Variants in TACC2 observed in about 807,000 individuals in gnomAD.
TACC2 encodes the protein transforming acidic coiled-coil-containing protein 2.
In TACC2, 137 loss-of-function variants were observed where a neutral mutation model predicts 227.3. The observed-to-expected ratio is 0.60, with a 90% confidence interval of 0.52 to 0.69. The LOEUF is 0.69. TACC2 is among the 30% of genes least tolerant of loss of function. The probability of loss-of-function intolerance (pLI) is 0.00; values close to 1 mark genes in which losing one functional copy is unlikely to be tolerated. For missense variants in TACC2, 3,470 were observed against 3,694.4 expected (o/e 0.94, Z 1.57); for synonymous variants, 1,523 against 1,487.5 (o/e 1.02, Z -0.55).
chr10:122,041,423 C>A (rs2074243469), intron 2 of TACC2, among the ~76,000 whole-genome samples: 2 of 150,094 alleles, frequency 1.3e-5, no homozygotes, highest in Admixed American at 1.3e-4. Flanking sequence ...ATCTTCATGA[C>A]AGCACAGAGT....
At chr10:121,999,963 G>A (rs945997298) in intron 1 of TACC2, among the ~76,000 whole-genome samples, 1 of 152,214 alleles carries the variant, frequency 6.6e-6, no homozygotes, top group Non-Finnish European at 1.5e-5. Flanking sequence ...GGTCAGACAC[G>A]TGGTCCTACG....
intron 19 of TACC2, 152 bp downstream of exon 19, chr10:122,242,153 C>T: frequency 1.3e-6 from 1 of 743,850 alleles, no homozygotes; most frequent in Non-Finnish European, 2.3e-6. Context: ...ATGGCTTTGC[C>T]CCAGGACAGA....
intron 3 of TACC2, among the ~76,000 whole-genome samples, chr10:122,060,948 T>A: frequency 7.3e-6 from 1 of 136,920 alleles, no homozygotes; most frequent in African/African-American, 2.9e-5. Flanking sequence ...GAGGTTGCAG[T>A]GAGCGAAGAT....
intron 8 of TACC2, among the ~76,000 whole-genome samples, chr10:122,197,499 C>T (rs2094612488): frequency 6.6e-6 from 1 of 152,190 alleles, no homozygotes; most frequent in African/African-American, 2.4e-5. Context: ...AGAACAATCT[C>T]CATTCTTAAA....
intron 7 of TACC2, among the ~76,000 whole-genome samples, chr10:122,160,486 G>C (rs758244877): frequency 2.0e-5 from 3 of 152,164 alleles, no homozygotes; most frequent in Non-Finnish European, 2.9e-5. Context: ...TCTCCTCCTG[G>C]CTTGTAGATG....
chr10:122,226,157 ACTTTCT>A (rs2095624150), intron 12 of TACC2, among the ~76,000 whole-genome samples: 1 of 152,096 alleles, frequency 6.6e-6, no homozygotes, highest in South Asian at 2.1e-4. Context: ...ACTCAGTTGT[ACTTTCT>A]CTGCATCCTC....
chr10:122,205,875 C>T lies in TACC2; in HGVS notation c.5972-4522C>T, dbSNP rs183822868. 1.2e-4 allele frequency among the ~76,000 whole-genome samples: 18 copies of T among 152,338 alleles called. No individual in the cohort carries two copies. The highest frequency in any genetic ancestry group is 2.0e-4 in the Admixed American group (3 of 15,300). On this transcript the variant is annotated intron_variant, in intron 8 of 22. Transcript: ENST00000369005. This position sits in a 1 kb window ranked among gnomAD's most constrained non-coding sequence, Gnocchi z 4.5. ...AAAGACCAAGTACTGCTTTGTATCT[C>T]GTTAGCCTACTTAAAATGGACACCT...
Position 122,214,987 on chromosome 10 carries a change from T to C in TACC2, c.7284-404T>C, listed in dbSNP as rs539484928. On this transcript the variant is annotated intron_variant, in intron 9 of 22. Coordinates refer to ENST00000369005, the MANE Select transcript of TACC2 (RefSeq NM_206862.4). ...ATTAAGTGAGGTGTCGCCTTGCCCG[T>C]CTGTAAATTGGTGTCCTGAGCCTAG... Among the ~76,000 whole-genome samples, 3 of 152,236 alleles carry C rather than the reference T, an allele frequency of 2.0e-5. No individual in the cohort carries two copies. The South Asian group carries it at 6.2e-4, about 32-fold the overall frequency.
intron 7 of TACC2, among the ~76,000 whole-genome samples, chr10:122,188,397 G>T (rs747896179): frequency 6.6e-6 from 1 of 151,722 alleles, no homozygotes; most frequent in Non-Finnish European, 1.5e-5. Context: ...CTCTTGCCTC[G>T]GCCTCCCAAG....
chr10:122,135,406 C>T (rs1316841174), intron 6 of TACC2, among the ~76,000 whole-genome samples: 2 of 152,200 alleles, frequency 1.3e-5, no homozygotes, highest in Non-Finnish European at 2.9e-5. Flanking sequence ...GAGAACTCGG[C>T]CAGTTTCATG....
At chr10:122,035,309 A>T (rs548492959) in intron 2 of TACC2, among the ~76,000 whole-genome samples, 1 of 152,312 alleles carries the variant, frequency 6.6e-6, no homozygotes, top group East Asian at 1.9e-4. Flanking sequence ...AGGTGCTGTG[A>T]TCTGTAGAGA....
intron 3 of TACC2, among the ~76,000 whole-genome samples, chr10:122,057,780 C>T (rs1240971169): frequency 1.3e-5 from 2 of 151,994 alleles, no homozygotes; most frequent in East Asian, 3.9e-4. Flanking sequence ...GAGCCAAGAT[C>T]GAGCCATTGC....
In TACC2 at chr10:122,085,941, G is replaced by A. The variant is rs145035433; in HGVS notation, c.3441G>A (p.Pro1147=). The change falls in exon 4 of 23, where the codon CCG becomes CCA. Residue 1147 remains proline (P), a synonymous_variant. Transcript: ENST00000369005. ...GAGDPGKQQA[P]EKPGEATLSC... ...GAGACCCAGGAAAGCAGCAGGCTCC[G>A]GAGAAACCTGGAGAAGCTACTTTGA... The A allele has an allele frequency of 4.4e-3, 7,065 of 1,613,472 alleles. 35 individuals carry two copies. Among genetic ancestry groups the A allele is most frequent in the Middle Eastern group, 0.017 (106 of 6,062 alleles).
intron 7 of TACC2, among the ~76,000 whole-genome samples, chr10:122,168,500 G>T (rs967522399): frequency 6.6e-6 from 1 of 152,114 alleles, no homozygotes; most frequent in Non-Finnish European, 1.5e-5. Context: ...GTTCATAAGG[G>T]TCCTGGGCCT....
intron 8 of TACC2, among the ~76,000 whole-genome samples, chr10:122,207,771 T>TG (rs1420915262): frequency 6.6e-6 from 1 of 152,238 alleles, no homozygotes; most frequent in East Asian, 1.9e-4. Flanking sequence ...AGCTCATTGT[T>TG]GCGTGATAAC....
In TACC2 at chr10:122,022,021, G is replaced by A; in HGVS notation, c.33+7G>A. On this transcript the variant is annotated splice_region_variant and intron_variant, in intron 2 of 22. Transcript: ENST00000369005. ...CAGCACCTCGGACAACCAGGTGGGTGTCAGGAAGCTTCTCTCTCGAGCTAC... is the reference window on the plus strand; with the variant it reads ...CAGCACCTCGGACAACCAGGTGGGTATCAGGAAGCTTCTCTCTCGAGCTAC... The A allele has an allele frequency of 1.2e-6, 2 of 1,614,136 alleles. No homozygotes were observed. Among genetic ancestry groups the A allele is most frequent in the South Asian group, 1.1e-5 (1 of 91,084 alleles).
In TACC2 at chr10:122,194,947, A is replaced by G; in HGVS notation, c.5835-93A>G. ...GCACAGTTTAACTGAGCAGCGAGCC[A>G]GAACCCACTGGCTCTGGGTGCGAAG... is the stretch of plus-strand genomic sequence containing the variant. On this transcript the variant is annotated intron_variant, in intron 7 of 22. Transcript: ENST00000369005. The surrounding 1 kb of genome is among the most constrained non-coding windows in gnomAD (Gnocchi z 4.4). The G allele has an allele frequency of 7.3e-7, 1 of 1,368,628 alleles. No individual in the cohort carries two copies. Among genetic ancestry groups the G allele is most frequent in the Non-Finnish European group, 1.0e-6 (1 of 991,986 alleles). 84.8% of individuals were successfully genotyped at this position (1,368,628 alleles called of 1,614,324 possible).
rs2096211711 is a variant in TACC2 at position 122,249,672 on chromosome 10, G to T, written c.8781+8G>T. ...AGGACGCTGGAGCAGAAGGTAATAG[G>T]GGAGGGGTGTGGCCTCCAGGTGGGC... On this transcript the variant is annotated splice_region_variant and intron_variant, in intron 22 of 22. Transcript: ENST00000369005. 6.2e-7 allele frequency: 1 copy of T among 1,609,740 alleles called. No individual in the cohort carries two copies. The highest frequency in any genetic ancestry group is 8.5e-7 in the Non-Finnish European group (1 of 1,177,268).
intron 13 of TACC2, among the ~76,000 whole-genome samples, chr10:122,227,053 T>C (rs1031763563): frequency 1.3e-5 from 2 of 152,088 alleles, no homozygotes; most frequent in African/African-American, 4.8e-5. Flanking sequence ...TTGCAGGGAT[T>C]TGATGAAGAT....
Sources: allele counts gnomAD v4.1 joint callset (sites outside exome capture counted in the v4.1 genomes callset), GRCh38; gene constraint gnomAD v4.1.1; non-coding constraint Gnocchi (gnomAD v3.1); transcripts MANE v1.5; gene names NCBI Gene and HGNC (gene_info 2026-07-23, HGNC 2026-07-21).